RANGRF: variants seen among roughly 807,000 people sequenced by gnomAD.
RANGRF encodes the protein RAN guanine nucleotide release factor.
A neutral mutation model predicts 21.8 loss-of-function variants in RANGRF; 17 were observed. The observed-to-expected ratio is 0.78, with a 90% CI of 0.53 to 1.17. The LOEUF is 1.17. Among genes scored for constraint, RANGRF ranks in the 50% most tolerant of loss-of-function variants. The pLI is 0.00. For synonymous variants in RANGRF, 97 were observed against 94.3 expected (o/e 1.03, Z -0.17); for missense variants, 225 against 235.5 (o/e 0.96, Z 0.29).
At position 8,288,853 on chromosome 17, in the gene RANGRF, C is replaced by T. The variant is rs750002081; in HGVS notation, c.65C>T (p.Ala22Val). 6 of 1,614,216 alleles carry T rather than the reference C, an allele frequency of 3.7e-6. No individual in the cohort carries two copies. The highest frequency in any genetic ancestry group is 5.1e-6 in the Non-Finnish European group (6 of 1,180,032). Residue 22 changes from alanine to valine, a missense_variant, in exon 1 of 5, where the codon GCC becomes GTC. By Grantham distance (64) the Ala-to-Val change is moderately conservative. Transcript: ENST00000226105. ...GAFSAILPMG[A>V]IDVSDLRPVP... ...TTTTCCGCCATCCTCCCCATGGGGG[C>T]CATTGACGTAAGGTGAGAAGGCCGG...
In RANGRF at chr17:8,288,994, G is replaced by A. The variant is rs772149331; in HGVS notation, c.116G>A (p.Cys39Tyr). Residue 39 changes from cysteine to tyrosine, a missense_variant, in exon 2 of 5, where the codon TGC becomes TAC. By Grantham distance (194) the Cys-to-Tyr change is radical. Transcript: ENST00000226105. ...GTCCCGGACAATCAAGAAGTTTTCT[G>A]CCATCCCGTGACGGACCAGAGCCTG... ...RPVPDNQEVF[C>Y]HPVTDQSLIV... The A allele has an allele frequency of 1.2e-6, 2 of 1,614,162 alleles. No homozygotes were observed. Among genetic ancestry groups the A allele is most frequent in the Admixed American group, 3.3e-5 (2 of 60,032 alleles).
Position 8,288,819 on chromosome 17 carries a change from G to A in RANGRF, c.31G>A (p.Gly11Arg), listed in dbSNP as rs977717645. 6.2e-7 allele frequency: 1 copy of A among 1,614,156 alleles called. No homozygotes were observed. The highest frequency in any genetic ancestry group is 8.5e-7 in the Non-Finnish European group (1 of 1,180,044). The change falls in exon 1 of 5, where the codon GGG (glycine) becomes AGG (arginine). Residue 11 changes from glycine (G) to arginine (R), a missense_variant. Physicochemically the swap from Gly to Arg is moderately radical, Grantham distance 125. Transcript: ENST00000226105. ...GCCCACGAGAGACTGCCCGCTGTTC[G>A]GGGGCGCCTTTTCCGCCATCCTCCC... is the stretch of plus-strand genomic sequence containing the variant. MEPTRDCPLFGGAFSAILPMG... is the reference protein window; with the variant it reads MEPTRDCPLFRGAFSAILPMG...
chr17:8,289,631 C>T (rs950533589), intron 4 of RANGRF, 43 bp downstream of exon 4: 1 of 1,607,088 alleles, frequency 6.2e-7, no homozygotes, highest in African/African-American at 1.3e-5. Flanking sequence ...ACTGGGTTCC[C>T]AGGAGAATCG....
Position 8,289,583 on chromosome 17 carries a change from GC to G in RANGRF, c.437del (p.Pro147LeufsTer26), listed in dbSNP as rs2151610404. On this transcript the variant is annotated frameshift_variant, in exon 4 of 5. Coordinates refer to ENST00000226105, the MANE Select transcript of RANGRF (RefSeq NM_016492.5). LOFTEE classifies it high-confidence loss of function. ...QTDLLLTFNQ[P>X]PPDNRSSLGP... is the part of the protein sequence containing the mutation. ...CTGATCTCTTGCTTACCTTCAATCA[GC>G]CCCCGTAAGGAGGAAGGAACGGGCG... The G allele has an allele frequency of 3.1e-6, 5 of 1,612,528 alleles. No homozygotes were observed. The highest frequency in any genetic ancestry group is 4.2e-6 in the Non-Finnish European group (5 of 1,178,692).
intron 2 of RANGRF, 43 bp from the exon 3 acceptor site, chr17:8,289,215 G>A: frequency 6.2e-7 from 1 of 1,609,314 alleles, no homozygotes; most frequent in South Asian, 1.1e-5. Context: ...TCCCGGGGAG[G>A]CGACCAGAGA....
intron 1 of RANGRF, 22 bp from the exon 2 acceptor site, chr17:8,288,934 G>A: frequency 6.2e-7 from 1 of 1,613,988 alleles, no homozygotes; most frequent in Non-Finnish European, 8.5e-7. Flanking sequence ...GGTCAACCAG[G>A]GTCTGCCTCG....
rs1351095415 is a variant in RANGRF at position 8,289,807 on chromosome 17, C to A, written c.438-6C>A. On this transcript the variant is annotated splice_polypyrimidine_tract_variant and splice_region_variant and intron_variant, in intron 4 of 4. Coordinates refer to ENST00000226105, the MANE Select transcript of RANGRF (RefSeq NM_016492.5). ...GTTCTGTCTCCATCTGTTCCCCCAC[C>A]CCAAGCCCTGACAACAGGTCATCTC... 1.2e-6 allele frequency: 2 copies of A among 1,613,670 alleles called. No homozygotes were observed. The highest frequency in any genetic ancestry group is 2.7e-5 in the African/African-American group (2 of 74,896).
intron 2 of RANGRF, 70 bp downstream of exon 2, chr17:8,289,142 A>T: frequency 6.2e-7 from 1 of 1,602,616 alleles, no homozygotes; most frequent in Non-Finnish European, 8.5e-7. Flanking sequence ...CCCGCGGCCG[A>T]CGGTTAATCC....
chr17:8,289,804 C>G lies in RANGRF; in HGVS notation c.438-9C>G. 2 of 1,613,784 alleles carry G rather than the reference C, an allele frequency of 1.2e-6. No homozygotes were observed. The highest frequency in any genetic ancestry group is 1.7e-6 in the Non-Finnish European group (2 of 1,180,026). ...GATGTTCTGTCTCCATCTGTTCCCC[C>G]ACCCCAAGCCCTGACAACAGGTCAT... On this transcript the variant is annotated splice_polypyrimidine_tract_variant and intron_variant, in intron 4 of 4. Coordinates refer to ENST00000226105, the MANE Select transcript of RANGRF (RefSeq NM_016492.5).
chr17:8,289,981 G>C lies in RANGRF; in HGVS notation c.*45G>C. ...GATGTTGCTGAGAACTTGGGGACTC[G>C]GTTCTGTGAGGGGGAAAAGAGGTTG... On this transcript the variant is annotated 3_prime_UTR_variant, in exon 5 of 5. Coordinates refer to ENST00000226105, the MANE Select transcript of RANGRF (RefSeq NM_016492.5). 2 of 1,612,200 alleles carry C rather than the reference G, an allele frequency of 1.2e-6. No homozygotes were observed. The highest frequency in any genetic ancestry group is 2.2e-5 in the South Asian group (2 of 91,056).
intron 4 of RANGRF, 74 bp downstream of exon 4, chr17:8,289,662 G>C (rs765439206): frequency 6.2e-7 from 1 of 1,606,442 alleles, no homozygotes; most frequent in South Asian, 1.1e-5. Context: ...GACAGAACAG[G>C]GAGACTCACT....
Position 8,288,804 on chromosome 17 carries a change from G to A in RANGRF, c.16G>A (p.Asp6Asn). The A allele has an allele frequency of 6.2e-7, 1 of 1,614,166 alleles. No individual in the cohort carries two copies. Among genetic ancestry groups the A allele is most frequent in the East Asian group, 2.2e-5 (1 of 44,882 alleles). Residue 6 changes from aspartate to asparagine, a missense_variant, in exon 1 of 5, where the codon GAC becomes AAC. Transcript: ENST00000226105. ...CCTCAGACCCATGGAGCCCACGAGA[G>A]ACTGCCCGCTGTTCGGGGGCGCCTT... is the stretch of plus-strand genomic sequence containing the variant. Reference protein sequence around the residue: MEPTRDCPLFGGAFSA... With the variant: MEPTRNCPLFGGAFSA...
In RANGRF at chr17:8,288,744, A is replaced by G. The variant is rs753158585; in HGVS notation, c.-45A>G. 25 of 1,604,870 alleles carry G rather than the reference A, an allele frequency of 1.6e-5. No homozygotes were observed. Among genetic ancestry groups the G allele is most frequent in the Non-Finnish European group, 2.1e-5 (25 of 1,172,156 alleles). The stretch of plus-strand genomic sequence containing the variant: ...GCCGATGCCACGTGACCCAATGTGG[A>G]CTTCTTTTAAACCTTTCTAATGCCC... On this transcript the variant is annotated 5_prime_UTR_variant, in exon 1 of 5. Coordinates refer to ENST00000226105, the MANE Select transcript of RANGRF (RefSeq NM_016492.5).
At chr17:8,289,630 C>A in intron 4 of RANGRF, 42 bp downstream of exon 4, 2 of 1,607,164 alleles carry the variant, frequency 1.2e-6, no homozygotes, top group South Asian at 1.1e-5. Flanking sequence ...GACTGGGTTC[C>A]CAGGAGAATC....
Position 8,289,947 on chromosome 17 carries a change from G to T in RANGRF, c.*11G>T. Reference sequence around the variant, plus strand: ...TTTGGTCCCCAGTAAAGGCGCTGAAGCACTGCATGATGTTGCTGAGAACTT... The same window carrying T: ...TTTGGTCCCCAGTAAAGGCGCTGAATCACTGCATGATGTTGCTGAGAACTT... On this transcript the variant is annotated 3_prime_UTR_variant, in exon 5 of 5. Coordinates refer to ENST00000226105, the MANE Select transcript of RANGRF (RefSeq NM_016492.5). 3.7e-6 allele frequency: 6 copies of T among 1,614,182 alleles called. No individual in the cohort carries two copies. Among genetic ancestry groups the T allele is most frequent in the Non-Finnish European group, 5.1e-6 (6 of 1,180,028 alleles).
At chr17:8,289,460 G>A (rs1176469357) in intron 3 of RANGRF, 43 bp from the exon 4 acceptor site, 3 of 1,614,160 alleles carry the variant, frequency 1.9e-6, no homozygotes, top group Non-Finnish European at 2.5e-6. Context: ...CGGTAGCGGG[G>A]ACGCAGAGAT....
At chr17:8,289,127 C>T (rs1990274382) in intron 2 of RANGRF, 55 bp downstream of exon 2, 6 of 1,602,172 alleles carry the variant, frequency 3.7e-6, no homozygotes, top group Admixed American at 1.7e-5. Context: ...GACCAGTGGG[C>T]GGGGCCCGCG....
chr17:8,288,736 C>T lies in RANGRF; in HGVS notation c.-53C>T. ...CCCAGGGAGCCGATGCCACGTGACC[C>T]AATGTGGACTTCTTTTAAACCTTTC... On this transcript the variant is annotated 5_prime_UTR_variant, in exon 1 of 5. Coordinates refer to ENST00000226105, the MANE Select transcript of RANGRF (RefSeq NM_016492.5). 1 of 1,591,890 alleles carries T rather than the reference C, an allele frequency of 6.3e-7. No individual in the cohort carries two copies. The highest frequency in any genetic ancestry group is 2.2e-5 in the East Asian group (1 of 44,756).
In RANGRF at chr17:8,288,809, C is replaced by T. The variant is rs768131856; in HGVS notation, c.21C>T (p.Cys7=). The part of the protein sequence containing the change: MEPTRD[C]PLFGGAFSAI... ...GACCCATGGAGCCCACGAGAGACTG[C>T]CCGCTGTTCGGGGGCGCCTTTTCCG... is the stretch of plus-strand genomic sequence containing the variant. The change falls in exon 1 of 5, where the codon TGC becomes TGT. Residue 7 remains cysteine (C), a synonymous_variant. Coordinates refer to ENST00000226105, the MANE Select transcript of RANGRF (RefSeq NM_016492.5). 4 of 1,614,180 alleles carry T rather than the reference C, an allele frequency of 2.5e-6. No homozygotes were observed. Among genetic ancestry groups the T allele is most frequent in the Non-Finnish European group, 2.5e-6 (3 of 1,180,044 alleles).
Sources: gnomAD v4.1 joint callset for allele counts on GRCh38, gnomAD v4.1.1 for gene constraint, MANE v1.5 for transcripts, NCBI Gene and HGNC (gene_info 2026-07-23, HGNC 2026-07-21) for gene names.